PLCB1: variants seen among roughly 807,000 people sequenced by gnomAD.
PLCB1 encodes the protein phospholipase C beta 1, also known as 1-phosphatidylinositol 4,5-bisphosphate phosphodiesterase beta-1.
PLCB1 carries 46 observed loss-of-function variants against 161.8 expected under a neutral mutation model. The ratio of observed to expected loss-of-function variants is 0.28; its 90% CI spans 0.22 to 0.36. The LOEUF (loss-of-function observed/expected upper bound fraction) is 0.36, where lower values mean the gene tolerates loss of function less well. Ranked by LOEUF, PLCB1 falls within the 10% of genes least tolerant of loss-of-function variation. The pLI is 1.00. For synonymous variants in PLCB1, 517 were observed against 503.7 expected (o/e 1.03, Z -0.35); for missense variants, 1,016 against 1,472.5 (o/e 0.69, Z 5.07).
At chr20:8,863,930 G>A (rs556649229) in intron 31 of PLCB1, among the ~76,000 whole-genome samples, 1 of 152,172 alleles carries the variant, frequency 6.6e-6, no homozygotes, top group East Asian at 1.9e-4. Context: ...AGATTAAGTT[G>A]GTAGGGTTTC....
chr20:8,805,331 A>G (rs989182136), intron 31 of PLCB1, among the ~76,000 whole-genome samples: 8 of 152,256 alleles, frequency 5.3e-5, no homozygotes, highest in Non-Finnish European at 1.2e-4. Context: ...TTTTATGTAT[A>G]CATAAGTCTT....
At chr20:8,631,666 A>G (rs545305581) in intron 4 of PLCB1, among the ~76,000 whole-genome samples, 2 of 152,176 alleles carry the variant, frequency 1.3e-5, no homozygotes, top group African/African-American at 2.4e-5. Flanking sequence ...TTTTCAGTAG[A>G]CAGAGAACCA....
At chr20:8,241,808 C>A (rs1052235093) in intron 2 of PLCB1, among the ~76,000 whole-genome samples, 2 of 151,928 alleles carry the variant, frequency 1.3e-5, no homozygotes, top group African/African-American at 4.8e-5. Flanking sequence ...GCAAAGAAGT[C>A]CTCTTGGAAG....
rs138716725 is a variant in PLCB1, at chr20:8,700,827, T to A, written c.1167+3044T>A. ...TGGTTTTTCCAGCTATTCCTCCTGC[T>A]AATGCACATAGCAGGATAGACAGTT... is the stretch of plus-strand genomic sequence containing the variant. On this transcript the variant is annotated intron_variant, in intron 11 of 31. Transcript: ENST00000338037. Among the ~76,000 whole-genome samples the A allele has an allele frequency of 1.1e-4, 17 of 152,276 alleles. No individual in the cohort carries two copies. The East Asian group carries it at 3.3e-3, about 29-fold the overall frequency.
At chr20:8,155,437 T>TATG (rs757491742) in intron 2 of PLCB1, among the ~76,000 whole-genome samples, 37 of 152,304 alleles carry the variant, frequency 2.4e-4, no homozygotes, top group Non-Finnish European at 2.2e-4. Context: ...AGTCTTCTCT[T>TATG]ATGATAACCT....
At chr20:8,868,842 C>A (rs897311692) in intron 31 of PLCB1, among the ~76,000 whole-genome samples, 7 of 152,014 alleles carry the variant, frequency 4.6e-5, no homozygotes, top group African/African-American at 1.4e-4. Flanking sequence ...CCATGTTGGC[C>A]AGGATGATCT....
rs375649854 is a variant in PLCB1, at chr20:8,589,312, A to G, written c.247-38982A>G. Reference sequence around the variant, plus strand: ...ATTCTACCTTTGGAATTTACACTCTAGTAGCATGTGGAGAATTAGACAGTC... The same window carrying G: ...ATTCTACCTTTGGAATTTACACTCTGGTAGCATGTGGAGAATTAGACAGTC... On this transcript the variant is annotated intron_variant, in intron 3 of 31. Coordinates refer to ENST00000338037, the MANE Select transcript of PLCB1 (RefSeq NM_015192.4). Among the ~76,000 whole-genome samples, 5 of 152,228 alleles carry G rather than the reference A, an allele frequency of 3.3e-5. No homozygotes were observed. In the East Asian group the frequency reaches 7.7e-4, roughly 23 times the overall value.
chr20:8,432,609 T>A (rs1173490362), intron 3 of PLCB1, among the ~76,000 whole-genome samples: 1 of 152,260 alleles, frequency 6.6e-6, no homozygotes, highest in Non-Finnish European at 1.5e-5. Context: ...CAAATGATTA[T>A]GTGCTGTGGT....
chr20:8,525,513 G>T (rs1019822289), intron 3 of PLCB1, among the ~76,000 whole-genome samples: 2 of 152,140 alleles, frequency 1.3e-5, no homozygotes, highest in Admixed American at 1.3e-4. Flanking sequence ...ACTGTACTGA[G>T]GGGACACAAT....
chr20:8,502,127 T>C (rs1983451994), intron 3 of PLCB1, among the ~76,000 whole-genome samples: 2 of 152,104 alleles, frequency 1.3e-5, no homozygotes, highest in African/African-American at 4.8e-5. Context: ...ATATAATGAC[T>C]ATTGCATTAG....
chr20:8,650,456 A>G (rs1181872480), intron 7 of PLCB1, among the ~76,000 whole-genome samples: 1 of 152,212 alleles, frequency 6.6e-6, no homozygotes, highest in Non-Finnish European at 1.5e-5. Context: ...AAGTAAGTAT[A>G]AATACAACCT....
At chr20:8,853,895 A>G (rs1054149997) in intron 31 of PLCB1, among the ~76,000 whole-genome samples, 19 of 152,184 alleles carry the variant, frequency 1.2e-4, no homozygotes, top group Non-Finnish European at 2.6e-4. Flanking sequence ...CTGTTCTCCC[A>G]AGCTCTAACC....
intron 3 of PLCB1, among the ~76,000 whole-genome samples, chr20:8,477,173 G>A (rs1420486295): frequency 1.3e-5 from 2 of 152,056 alleles, no homozygotes; most frequent in Non-Finnish European, 1.5e-5. Context: ...ATACAGAATC[G>A]CAGGCCCCTC....
chr20:8,541,084 A>G (rs1332093239), intron 3 of PLCB1, among the ~76,000 whole-genome samples: 2 of 152,136 alleles, frequency 1.3e-5, no homozygotes, highest in African/African-American at 2.4e-5. Flanking sequence ...TGTTCCTTCC[A>G]TTTTAAACAG....
intron 3 of PLCB1, among the ~76,000 whole-genome samples, chr20:8,486,481 ATTTTTTTTT>A (rs71183092): frequency 1.2e-4 from 10 of 85,782 alleles, no homozygotes; most frequent in African/African-American, 4.1e-4. Flanking sequence ...ATTCCAAAAT[ATTTTTTTTT>A]TTTTTTTTTT....
chr20:8,788,113 C>G (rs1983577298), intron 27 of PLCB1, among the ~76,000 whole-genome samples: 1 of 152,198 alleles, frequency 6.6e-6, no homozygotes, highest in Non-Finnish European at 1.5e-5. Flanking sequence ...CCAAATTTCA[C>G]TTTTAATAAG....
intron 3 of PLCB1, among the ~76,000 whole-genome samples, chr20:8,408,647 T>C (rs778997401): frequency 1.1e-4 from 16 of 152,144 alleles, no homozygotes; most frequent in Non-Finnish European, 2.4e-4. Flanking sequence ...TTTAATACAA[T>C]GATTCTTAAC....
At chr20:8,508,909 A>G (rs993741289) in intron 3 of PLCB1, among the ~76,000 whole-genome samples, 6 of 152,146 alleles carry the variant, frequency 3.9e-5, no homozygotes, top group Non-Finnish European at 7.4e-5. Context: ...TTATTTTACT[A>G]CTGACATAAA....
intron 3 of PLCB1, among the ~76,000 whole-genome samples, chr20:8,497,461 G>A (rs890107658): frequency 6.6e-6 from 1 of 152,096 alleles, no homozygotes; most frequent in Admixed American, 6.5e-5. Context: ...AATATGTTTC[G>A]AGAAGAAAAT....
Sources: allele counts gnomAD v4.1 joint callset (sites outside exome capture counted in the v4.1 genomes callset), GRCh38; gene constraint gnomAD v4.1.1; transcripts MANE v1.5; gene names NCBI Gene and HGNC (gene_info 2026-07-23, HGNC 2026-07-21).